ZNF318: variants seen among roughly 807,000 people sequenced by gnomAD.
ZNF318 encodes the protein zinc finger protein 318.
In ZNF318, 51 loss-of-function variants were observed where a neutral mutation model predicts 124.2. The observed-to-expected ratio is 0.41, with a 90% CI of 0.33 to 0.52. The LOEUF (loss-of-function observed/expected upper bound fraction) is 0.52, where lower values mean the gene tolerates loss of function less well. Among genes scored for constraint, ZNF318 ranks in the 20% least tolerant of loss-of-function variants. The probability of loss-of-function intolerance (pLI) is 0.23; values close to 1 mark genes in which losing one functional copy is unlikely to be tolerated. For synonymous variants in ZNF318, 1,090 were observed against 1,040.7 expected, an observed-to-expected ratio of 1.05 and a Z score of -0.91; for missense variants, 2,815 against 2,811.2, an observed-to-expected ratio of 1.00 and a Z score of -0.03.
rs550371153 is a variant in ZNF318, at chr6:43,352,447, A to T, written c.2700T>A (p.Asn900Lys). ...TCTTCTTCTGGCGGGCTTCCCGGTC[A>T]TTCTTTAGTTTTTCCCTCTCTTCAA... ...KVIEEREKLKNDREARQKKMY... is the reference protein window; with the variant it reads ...KVIEEREKLKKDREARQKKMY... Residue 900 changes from asparagine to lysine, a missense_variant, in exon 5 of 10, where the codon AAT becomes AAA. Physicochemically the swap from Asn to Lys is moderately conservative, Grantham distance 94. Transcript: ENST00000361428. 3.1e-6 allele frequency: 5 copies of T among 1,614,094 alleles called. No homozygotes were observed. In the African/African-American group the frequency reaches 6.7e-5, roughly 22 times the overall value.
In ZNF318 at chr6:43,337,022, G is replaced by T; in HGVS notation, c.*136C>A. The T allele has an allele frequency of 2.5e-6, 2 of 807,148 alleles. No homozygotes were observed. Among genetic ancestry groups the T allele is most frequent in the South Asian group, 3.6e-5 (1 of 27,872 alleles). The allele number at this position is 807,148 out of a possible 1,614,324, so 50.0% of individuals were successfully genotyped here. A position where few individuals can be genotyped will look rare whatever the true frequency, so the allele number is the denominator to read the frequency against. On this transcript the variant is annotated 3_prime_UTR_variant, in exon 10 of 10. Coordinates refer to ENST00000361428, the MANE Select transcript of ZNF318 (RefSeq NM_014345.3). Reference sequence around the variant, plus strand: ...AGGAGGTAAATTTTTTAGCTTCCATGAACATTTACTTTAAGATGCTGACTG... The same window carrying T: ...AGGAGGTAAATTTTTTAGCTTCCATTAACATTTACTTTAAGATGCTGACTG...
intron 2 of ZNF318, among the ~76,000 whole-genome samples, chr6:43,357,990 T>C (rs1239590060): frequency 6.6e-6 from 1 of 152,224 alleles, no homozygotes; most frequent in African/African-American, 2.4e-5. Flanking sequence ...ATCTCTTGGG[T>C]AATTTCTCCG....
At chr6:43,357,027 T>C in intron 3 of ZNF318, 99 bp downstream of exon 3, 2 of 1,398,718 alleles carry the variant, frequency 1.4e-6, no homozygotes, top group Non-Finnish European at 1.9e-6. Flanking sequence ...CAGCACATAT[T>C]ACAAAGATAC....
chr6:43,365,263 T>C (rs770932850), intron 2 of ZNF318, 29 bp downstream of exon 2: 15 of 1,607,204 alleles, frequency 9.3e-6, no homozygotes, highest in South Asian at 3.3e-5. Flanking sequence ...AGTACTAGTA[T>C]AGTAGGCCCT....
At chr6:43,346,249 T>C (rs1466862708) in intron 6 of ZNF318, among the ~76,000 whole-genome samples, 1 of 145,944 alleles carries the variant, frequency 6.9e-6, no homozygotes, top group Non-Finnish European at 1.5e-5. Flanking sequence ...CCTAGCCCTT[T>C]GGGAGGCCGG....
chr6:43,365,091 T>C (rs2150758100), intron 2 of ZNF318, among the ~76,000 whole-genome samples: 1 of 152,308 alleles, frequency 6.6e-6, no homozygotes, highest in Non-Finnish European at 1.5e-5. Context: ...TTCTATACAA[T>C]TTATTCAACA....
intron 2 of ZNF318, among the ~76,000 whole-genome samples, chr6:43,364,770 GAACTT>G (rs1355830838): frequency 6.6e-6 from 1 of 152,158 alleles, no homozygotes; most frequent in Non-Finnish European, 1.5e-5. Context: ...AATAATAACT[GAACTT>G]AAACATTTTT....
chr6:43,363,001 G>C (rs1411469054), intron 2 of ZNF318, among the ~76,000 whole-genome samples: 1 of 152,054 alleles, frequency 6.6e-6, no homozygotes, highest in Non-Finnish European at 1.5e-5. Flanking sequence ...AAATGGCCTT[G>C]TATCTTTGTT....
chr6:43,338,080 T>C lies in ZNF318; in HGVS notation c.5918A>G (p.Glu1973Gly). The C allele has an allele frequency of 6.2e-7, 1 of 1,614,216 alleles. No homozygotes were observed. The highest frequency in any genetic ancestry group is 8.5e-7 in the Non-Finnish European group (1 of 1,180,034). The change falls in exon 10 of 10, where the codon GAG becomes GGG. Residue 1973 changes from glutamate (E) to glycine (G), a missense_variant. Coordinates refer to ENST00000361428, the MANE Select transcript of ZNF318 (RefSeq NM_014345.3). ...CTCCAGTGCTTCTGTTTTTGGTTTC[T>C]CTGGGCTCTCCCAGGTCTCTGGCCT... is the stretch of plus-strand genomic sequence containing the variant. ...KKRPETWESPEKPKTEALELQ... is the reference protein window; with the variant it reads ...KKRPETWESPGKPKTEALELQ...
At chr6:43,367,639 C>G (rs1385362422) in intron 1 of ZNF318, among the ~76,000 whole-genome samples, 1 of 152,164 alleles carries the variant, frequency 6.6e-6, no homozygotes, top group East Asian at 1.9e-4. Context: ...GCTATTTACT[C>G]AGACAGAAAA....
At chr6:43,365,759 G>C (rs932735981) in intron 1 of ZNF318, among the ~76,000 whole-genome samples, 1 of 152,228 alleles carries the variant, frequency 6.6e-6, no homozygotes, top group African/African-American at 2.4e-5. Context: ...ACTTCAGCCT[G>C]GGCAATGAGC....
intron 2 of ZNF318, among the ~76,000 whole-genome samples, chr6:43,364,576 G>A (rs1299796885): frequency 6.6e-6 from 1 of 152,170 alleles, no homozygotes; most frequent in Non-Finnish European, 1.5e-5. Context: ...GACCATAACA[G>A]TCATGGTCTC....
rs1465444822 is a variant in ZNF318, at chr6:43,363,721, A to C, written c.548+1571T>G. On this transcript the variant is annotated intron_variant, in intron 2 of 9. Coordinates refer to ENST00000361428, the MANE Select transcript of ZNF318 (RefSeq NM_014345.3). Reference sequence around the variant, plus strand: ...TGACTTTTTCCTGGGGGCCTCTCTCAAGGATGAGGTGTTGAAGATTATGCC... The same window carrying C: ...TGACTTTTTCCTGGGGGCCTCTCTCCAGGATGAGGTGTTGAAGATTATGCC... 5.3e-6 allele frequency: 3 copies of C among 566,380 alleles called. No individual in the cohort carries two copies. The East Asian group carries it at 9.4e-5, about 18-fold the overall frequency. 35.1% of individuals were successfully genotyped at this position (566,380 alleles called of 1,614,324 possible).
chr6:43,355,029 A>T lies in ZNF318; in HGVS notation c.2305T>A (p.Phe769Ile). ...TTCGGAGGTATCCGAGCTGCAGCAAACTGAGAGGCCCTTGGCATGTGAAAC... is the reference window on the plus strand; with the variant it reads ...TTCGGAGGTATCCGAGCTGCAGCAATCTGAGAGGCCCTTGGCATGTGAAAC... ...SQFHMPRASQFAAARIPPNYQ... is the reference protein window; with the variant it reads ...SQFHMPRASQIAAARIPPNYQ... Residue 769 changes from phenylalanine to isoleucine, a missense_variant, in exon 4 of 10, where the codon TTT (phenylalanine) becomes ATT (isoleucine). Phe to Ile is a conservative substitution (Grantham distance 21). Coordinates refer to ENST00000361428, the MANE Select transcript of ZNF318 (RefSeq NM_014345.3). 1 of 1,613,552 alleles carries T rather than the reference A, an allele frequency of 6.2e-7. No homozygotes were observed. Among genetic ancestry groups the T allele is most frequent in the East Asian group, 2.2e-5 (1 of 44,868 alleles).
Position 43,337,744 on chromosome 6 carries a change from G to C in ZNF318, c.6254C>G (p.Thr2085Arg). 1 of 1,614,148 alleles carries C rather than the reference G, an allele frequency of 6.2e-7. No homozygotes were observed. Among genetic ancestry groups the C allele is most frequent in the Non-Finnish European group, 8.5e-7 (1 of 1,180,040 alleles). ...SPKTLVLDFE[T>R]EGERNSPNPR... ...ATTAGGTGAGTTTCGTTCACCCTCTGTCTCAAAGTCAAGCACCAAGGTTTT... is the reference window on the plus strand; with the variant it reads ...ATTAGGTGAGTTTCGTTCACCCTCTCTCTCAAAGTCAAGCACCAAGGTTTT... The change falls in exon 10 of 10, where the codon ACA becomes AGA. Residue 2085 changes from threonine (T) to arginine (R), a missense_variant. This residue lies in a region of ZNF318 where 927 missense variants were observed against 820.6 expected (regional missense o/e 1.13). Transcript: ENST00000361428.
chr6:43,357,664 A>G lies in ZNF318; in HGVS notation c.650T>C (p.Leu217Ser). 2 of 1,613,856 alleles carry G rather than the reference A, an allele frequency of 1.2e-6. No homozygotes were observed. The highest frequency in any genetic ancestry group is 4.5e-5 in the East Asian group (2 of 44,890). Residue 217 changes from leucine to serine, a missense_variant, in exon 3 of 10, where the codon TTG becomes TCG. Physicochemically the swap from Leu to Ser is moderately radical, Grantham distance 145. This residue lies in a region of ZNF318 where 1,377 missense variants were observed against 1,353.5 expected (regional missense o/e 1.02). Transcript: ENST00000361428. ...TCGGTAGTCCTCATCAAGTTGTCCC[A>G]AGAAGGGACTGAGAGGCCCTTCCTC... ...SQEEGPLSPFLGQLDEDYRTK... is the reference protein window; with the variant it reads ...SQEEGPLSPFSGQLDEDYRTK...
At position 43,369,303 on chromosome 6, in the gene ZNF318, G is replaced by A. The variant is rs1397201326; in HGVS notation, c.63C>T (p.Gly21=). 6.0e-6 allele frequency: 8 copies of A among 1,342,100 alleles called. No homozygotes were observed. Among genetic ancestry groups the A allele is most frequent in the African/African-American group, 4.6e-5 (3 of 64,908 alleles). The allele number at this position is 1,342,100 out of a possible 1,614,324, so 83.1% of individuals were successfully genotyped here. ...SSHRPKDDGG[G]GPRSGRSSGS... ...CAGAGCTGCGGCCGCTGCGCGGGCC[G>A]CCCCCGCCGTCGTCTTTAGGCCGGT... The change falls in exon 1 of 10, where the codon GGC becomes GGT. Residue 21 remains glycine, a synonymous_variant. Coordinates refer to ENST00000361428, the MANE Select transcript of ZNF318 (RefSeq NM_014345.3).
At chr6:43,365,567 G>C in intron 1 of ZNF318, 127 bp from the exon 2 acceptor site, 1 of 867,940 alleles carries the variant, frequency 1.2e-6, no homozygotes, top group Non-Finnish European at 1.7e-6. Context: ...AACACTTTGG[G>C]AGGCTGAGGT....
Position 43,337,362 on chromosome 6 carries a change from T to C in ZNF318, c.6636A>G (p.Ile2212Met). ...SLELGPLQLEISNASTTEVAI... is the reference protein window; with the variant it reads ...SLELGPLQLEMSNASTTEVAI... ...CCACCTCTGTGGTGGATGCATTCGA[T>C]ATTTCTAGCTGTAATGGCCCCAACT... The change falls in exon 10 of 10, where the codon ATA becomes ATG. Residue 2212 changes from isoleucine (I) to methionine (M), a missense_variant. Ile to Met is a conservative substitution (Grantham distance 10). Coordinates refer to ENST00000361428, the MANE Select transcript of ZNF318 (RefSeq NM_014345.3). The C allele has an allele frequency of 6.2e-7, 1 of 1,614,164 alleles. No homozygotes were observed. The highest frequency in any genetic ancestry group is 8.5e-7 in the Non-Finnish European group (1 of 1,180,010).
Sources: gnomAD v4.1 joint callset for allele counts (sites outside exome capture counted in the v4.1 genomes callset) on GRCh38, gnomAD v4.1.1 for gene constraint, gnomAD v4.1.1 regional missense constraint, MANE v1.5 for transcripts, NCBI Gene and HGNC (gene_info 2026-07-23, HGNC 2026-07-21) for gene names.